The following PDZRN4 variants were observed in gnomAD, a reference collection of about 807,000 sequenced individuals.
PDZRN4 encodes PDZ domain-containing RING finger protein 4.
In PDZRN4, 70 loss-of-function variants were observed where a neutral mutation model predicts 99.0. The ratio of observed to expected loss-of-function variants is 0.71; its 90% confidence interval spans 0.58 to 0.86. The LOEUF (loss-of-function observed/expected upper bound fraction) is 0.86, where lower values mean the gene tolerates loss of function less well. PDZRN4 is among the 40% of genes least tolerant of loss of function. The probability of loss-of-function intolerance (pLI) is 0.00; values close to 1 mark genes in which losing one functional copy is unlikely to be tolerated. For synonymous variants in PDZRN4, 551 were observed against 501.6 expected, an observed-to-expected ratio of 1.10 and a Z score of -1.32; for missense variants, 1,474 against 1,331.2, an observed-to-expected ratio of 1.11 and a Z score of -1.67.
intron 3 of PDZRN4, among the ~76,000 whole-genome samples, chr12:41,471,141 A>C (rs1338590710): frequency 6.6e-6 from 1 of 152,244 alleles, no homozygotes; most frequent in African/African-American, 2.4e-5. Flanking sequence ...CTACAGTGAC[A>C]AACTTTCTTA....
chr12:41,501,772 A>G (rs946709714), intron 3 of PDZRN4, among the ~76,000 whole-genome samples: 2 of 152,184 alleles, frequency 1.3e-5, no homozygotes, highest in Non-Finnish European at 2.9e-5. Flanking sequence ...CATCACTTGA[A>G]TATATAATCT....
At chr12:41,215,554 G>A (rs1591971324) in intron 3 of PDZRN4, among the ~76,000 whole-genome samples, 1 of 151,942 alleles carries the variant, frequency 6.6e-6, no homozygotes, top group Non-Finnish European at 1.5e-5. Flanking sequence ...AGTAAAGCAA[G>A]TACCTTTAGT....
intron 3 of PDZRN4, among the ~76,000 whole-genome samples, chr12:41,417,112 A>AT: frequency 6.6e-6 from 1 of 152,170 alleles, no homozygotes. Context: ...GTCAGTTATG[A>AT]TTTCCTGATA....
At chr12:41,279,330 C>G (rs1241255395) in intron 3 of PDZRN4, among the ~76,000 whole-genome samples, 9 of 152,170 alleles carry the variant, frequency 5.9e-5, no homozygotes, top group Admixed American at 5.9e-4. Context: ...AATATTATTT[C>G]TAGTCATCTC....
chr12:41,537,119 G>C (rs1274755227), intron 5 of PDZRN4, among the ~76,000 whole-genome samples: 1 of 152,154 alleles, frequency 6.6e-6, no homozygotes, highest in East Asian at 1.9e-4. Context: ...GCATAGTATA[G>C]GGCCTTAAGC....
At chr12:41,333,580 G>A (rs2120998475) in intron 3 of PDZRN4, among the ~76,000 whole-genome samples, 1 of 152,174 alleles carries the variant, frequency 6.6e-6, no homozygotes, top group South Asian at 2.1e-4. Flanking sequence ...GCTAATCCAG[G>A]TCTTGGACCC....
In PDZRN4 at chr12:41,555,587, C is replaced by G. The variant is rs1230389656; in HGVS notation, c.1303-111C>G. 3.8e-6 allele frequency: 3 copies of G among 796,574 alleles called. No individual in the cohort carries two copies. In the East Asian group the frequency reaches 7.8e-5, roughly 21 times the overall value. 49.3% of individuals were successfully genotyped at this position (796,574 alleles called of 1,614,324 possible). A position where few individuals can be genotyped will look rare whatever the true frequency, so the allele number is the denominator to read the frequency against. The stretch of plus-strand genomic sequence containing the variant: ...AAATATTATGTATACTGTCACAAAT[C>G]AACAGAGAATTTTGAAACAGCTTTT... On this transcript the variant is annotated intron_variant, in intron 6 of 9. Coordinates refer to ENST00000402685, the MANE Select transcript of PDZRN4 (RefSeq NM_001164595.2).
At chr12:41,436,637 G>A (rs1398154325) in intron 3 of PDZRN4, among the ~76,000 whole-genome samples, 1 of 152,132 alleles carries the variant, frequency 6.6e-6, no homozygotes, top group Non-Finnish European at 1.5e-5. Flanking sequence ...AAGTCAGTGT[G>A]GGAACAAAAG....
intron 3 of PDZRN4, among the ~76,000 whole-genome samples, chr12:41,479,303 T>G (rs1450595815): frequency 6.6e-6 from 1 of 152,176 alleles, no homozygotes; most frequent in African/African-American, 2.4e-5. Context: ...ACACAGTATT[T>G]TTTCTTTTTT....
At chr12:41,210,060 C>A (rs375481409) in intron 3 of PDZRN4, among the ~76,000 whole-genome samples, 1 of 152,048 alleles carries the variant, frequency 6.6e-6, no homozygotes, top group African/African-American at 2.4e-5. Context: ...GAGATGGTAT[C>A]TCATTGTGGT....
At chr12:41,261,949 T>C (rs1591989204) in intron 3 of PDZRN4, among the ~76,000 whole-genome samples, 2 of 152,256 alleles carry the variant, frequency 1.3e-5, no homozygotes, top group South Asian at 2.1e-4. Flanking sequence ...TCTGTGGTGG[T>C]GGGCAAGAAT....
At position 41,189,545 on chromosome 12, in the gene PDZRN4, G is replaced by A. The variant is rs191290704; in HGVS notation, c.648+442G>A. Among the ~76,000 whole-genome samples, 12 of 152,210 alleles carry A rather than the reference G, an allele frequency of 7.9e-5. No homozygotes were observed. In the East Asian group the frequency reaches 1.7e-3, roughly 22 times the overall value. ...CTCTCCCGCGGCCACCAGCATCCCC[G>A]CGGCCCTGGCAGCCGCGCACGCACA... On this transcript the variant is annotated intron_variant, in intron 1 of 9. Coordinates refer to ENST00000402685, the MANE Select transcript of PDZRN4 (RefSeq NM_001164595.2).
At chr12:41,315,089 C>G (rs1951629930) in intron 3 of PDZRN4, among the ~76,000 whole-genome samples, 1 of 152,106 alleles carries the variant, frequency 6.6e-6, no homozygotes, top group African/African-American at 2.4e-5. Flanking sequence ...GTCTGCATTT[C>G]TTACTCTTTC....
At position 41,373,896 on chromosome 12, in the gene PDZRN4, T is replaced by C. The variant is rs542740254; in HGVS notation, c.844-132560T>C. Reference sequence around the variant, plus strand: ...TATTAATTTGGGGAACTAATAAATGTCCATGAAATCTTCACAATTTATGTT... The same window carrying C: ...TATTAATTTGGGGAACTAATAAATGCCCATGAAATCTTCACAATTTATGTT... On this transcript the variant is annotated intron_variant, in intron 3 of 9. Coordinates refer to ENST00000402685, the MANE Select transcript of PDZRN4 (RefSeq NM_001164595.2). Among the ~76,000 whole-genome samples, 71 of 152,316 alleles carry C rather than the reference T, an allele frequency of 4.7e-4. No homozygotes were observed. The South Asian group carries it at 0.014, about 31-fold the overall frequency.
chr12:41,420,406 T>C (rs1952478972), intron 3 of PDZRN4, among the ~76,000 whole-genome samples: 2 of 152,162 alleles, frequency 1.3e-5, no homozygotes, highest in Admixed American at 6.6e-5. Context: ...AGCTCTGTCT[T>C]CTTGCCATTA....
At chr12:41,464,066 G>A (rs577530674) in intron 3 of PDZRN4, among the ~76,000 whole-genome samples, 34 of 152,186 alleles carry the variant, frequency 2.2e-4, no homozygotes, top group African/African-American at 7.7e-4. Flanking sequence ...TTCCAAGCAC[G>A]CCAGGAGAAT....
chr12:41,450,976 C>CTA (rs147939730), intron 3 of PDZRN4, among the ~76,000 whole-genome samples: 12 of 151,346 alleles, frequency 7.9e-5, no homozygotes, highest in Non-Finnish European at 1.2e-4. Context: ...GTATATATTA[C>CTA]TATATATATA....
intron 3 of PDZRN4, among the ~76,000 whole-genome samples, chr12:41,414,283 A>C (rs1952424600): frequency 6.6e-6 from 1 of 152,080 alleles, no homozygotes; most frequent in African/African-American, 2.4e-5. Flanking sequence ...TGATGACTAT[A>C]TGCCTTGGTG....
intron 4 of PDZRN4, among the ~76,000 whole-genome samples, chr12:41,508,066 C>T (rs536213470): frequency 4.6e-5 from 7 of 152,238 alleles, no homozygotes; most frequent in South Asian, 2.1e-4. Context: ...TTATTCCAAA[C>T]GTTTTGCATT....
Sources: allele counts gnomAD v4.1 joint callset (sites outside exome capture counted in the v4.1 genomes callset), GRCh38; gene constraint gnomAD v4.1.1; transcripts MANE v1.5; gene names NCBI Gene and HGNC (gene_info 2026-07-23, HGNC 2026-07-21).